Variants in FARP1 observed in about 807,000 individuals in gnomAD.
FARP1 encodes FERM, ARH/RhoGEF and pleckstrin domain protein 1.
FARP1 carries 52 observed loss-of-function variants against 128.8 expected under a neutral mutation model. That is an observed-to-expected ratio of 0.40 (90% CI 0.32 to 0.51). The LOEUF is 0.51. Ranked by LOEUF, FARP1 falls within the 20% of genes least tolerant of loss-of-function variation. The pLI is 0.45. For missense variants in FARP1, 1,333 were observed against 1,367.9 expected (o/e 0.97, Z 0.40); for synonymous variants, 580 against 551.8 (o/e 1.05, Z -0.72).
At chr13:98,227,046 T>TTCTC (rs1491410223) in intron 2 of FARP1, among the ~76,000 whole-genome samples, 1 of 151,878 alleles carries the variant, frequency 6.6e-6, no homozygotes, top group Non-Finnish European at 1.5e-5. Context: ...GTTCACGTCA[T>TTCTC]TCTCTAGCCT....
chr13:98,403,046 G>T (rs1211850916), intron 13 of FARP1: 1 of 149,424 alleles, frequency 6.7e-6, no homozygotes, highest in African/African-American at 2.5e-5. Flanking sequence ...AAAGCATGGT[G>T]TAGCTTCTGT....
At chr13:98,158,146 C>G (rs1421740131) in intron 1 of FARP1, among the ~76,000 whole-genome samples, 3 of 152,212 alleles carry the variant, frequency 2.0e-5, no homozygotes, top group African/African-American at 7.2e-5. Context: ...TTGAACTTCT[C>G]TGTATTTTCT....
intron 2 of FARP1, among the ~76,000 whole-genome samples, chr13:98,213,739 G>A (rs1880881217): frequency 6.6e-6 from 1 of 152,120 alleles, no homozygotes. Flanking sequence ...AGGGAAGAGT[G>A]GTCTTGTGGC....
intron 3 of FARP1, among the ~76,000 whole-genome samples, chr13:98,349,018 C>T (rs1173744538): frequency 6.6e-6 from 1 of 152,204 alleles, no homozygotes; most frequent in East Asian, 1.9e-4. Flanking sequence ...CTTGGATCTC[C>T]CGTCGGAAAG....
chr13:98,185,336 C>G (rs1305063596), intron 1 of FARP1, among the ~76,000 whole-genome samples: 1 of 152,132 alleles, frequency 6.6e-6, no homozygotes, highest in East Asian at 1.9e-4. Context: ...AAGGGCTTAA[C>G]AGGGCAAGTC....
At position 98,440,043 on chromosome 13, in the gene FARP1, G is replaced by C; in HGVS notation, c.2516G>C (p.Ser839Thr). The change falls in exon 22 of 27, where the codon AGT becomes ACT. Residue 839 changes from serine (S) to threonine (T), a missense_variant and splice_region_variant. Physicochemically the swap from Ser to Thr is moderately conservative, Grantham distance 58. Transcript: ENST00000319562. ...CGGCAGTCCATCATCGTGGCCGCCA[G>C]GTAACTCGGGAGCCCGCCCCTTGCC... is the stretch of plus-strand genomic sequence containing the variant. ...GQRQSIIVAA[S>T]SRSEMEKWVE... 1 of 1,607,934 alleles carries C rather than the reference G, an allele frequency of 6.2e-7. No homozygotes were observed. The highest frequency in any genetic ancestry group is 8.5e-7 in the Non-Finnish European group (1 of 1,175,126).
chr13:98,370,595 G>C (rs1170968542), intron 5 of FARP1, among the ~76,000 whole-genome samples: 1 of 149,998 alleles, frequency 6.7e-6, no homozygotes, highest in Admixed American at 6.7e-5. Flanking sequence ...ATGGTGTTGG[G>C]GGTTACTAAA....
At chr13:98,239,955 C>A (rs750012555) in intron 2 of FARP1, among the ~76,000 whole-genome samples, 1 of 152,124 alleles carries the variant, frequency 6.6e-6, no homozygotes, top group African/African-American at 2.4e-5. Context: ...ATCAGGAAGA[C>A]GGCTACCTCT....
chr13:98,231,704 G>A (rs1460483657), intron 2 of FARP1, among the ~76,000 whole-genome samples: 7 of 152,260 alleles, frequency 4.6e-5, no homozygotes, highest in Non-Finnish European at 1.0e-4. Context: ...CTCCGAAAGT[G>A]TTGGTGAGCC....
chr13:98,167,750 T>G (rs1299289474), intron 1 of FARP1, among the ~76,000 whole-genome samples: 7 of 152,200 alleles, frequency 4.6e-5, no homozygotes, highest in African/African-American at 1.7e-4. Context: ...TTCTAGAACT[T>G]TATGATTCAT....
At chr13:98,214,344 C>T (rs7318086) in intron 2 of FARP1, among the ~76,000 whole-genome samples, 13,436 of 152,054 alleles carry the variant, frequency 0.088, 641 homozygotes, top group African/African-American at 0.11. Context: ...TAACACTCCT[C>T]GGATCTAGTA....
chr13:98,309,346 T>G (rs1272271014), intron 2 of FARP1, among the ~76,000 whole-genome samples: 1 of 145,412 alleles, frequency 6.9e-6, no homozygotes, highest in African/African-American at 2.6e-5. Context: ...TTTTTTTGTA[T>G]TTTTAGTAGA....
chr13:98,382,507 TAAG>T (rs1158668923), intron 6 of FARP1: 1 of 151,160 alleles, frequency 6.6e-6, no homozygotes, highest in Non-Finnish European at 1.5e-5. Context: ...TCATAGGAAT[TAAG>T]AAGCCCAAAC....
chr13:98,288,708 T>G (rs1256224568), intron 2 of FARP1, among the ~76,000 whole-genome samples: 1 of 152,192 alleles, frequency 6.6e-6, no homozygotes, highest in African/African-American at 2.4e-5. Context: ...GACGGATCAT[T>G]GTTTTGATGG....
At chr13:98,150,299 G>A (rs1010785503) in intron 1 of FARP1, among the ~76,000 whole-genome samples, 2 of 152,194 alleles carry the variant, frequency 1.3e-5, no homozygotes, top group South Asian at 2.1e-4. Context: ...CCAAAGTGCT[G>A]GGATTACAGG....
chr13:98,197,877 C>T (rs1342937582), intron 1 of FARP1, among the ~76,000 whole-genome samples: 1 of 152,048 alleles, frequency 6.6e-6, no homozygotes, highest in African/African-American at 2.4e-5. Context: ...CCTCGTGATC[C>T]GTTCGCCTCG....
chr13:98,265,677 A>G (rs1349993214), intron 2 of FARP1, among the ~76,000 whole-genome samples: 2 of 152,116 alleles, frequency 1.3e-5, no homozygotes, highest in South Asian at 2.1e-4. Flanking sequence ...CACACACACA[A>G]TTAGGTGATT....
chr13:98,188,805 C>CT (rs1053893974), intron 1 of FARP1, among the ~76,000 whole-genome samples: 4 of 152,246 alleles, frequency 2.6e-5, no homozygotes, highest in African/African-American at 4.8e-5. Flanking sequence ...CAGAAGTGTT[C>CT]GGGGGGTGAA....
chr13:98,378,205 G>T (rs1889673974), intron 6 of FARP1, among the ~76,000 whole-genome samples: 1 of 152,222 alleles, frequency 6.6e-6, no homozygotes, highest in East Asian at 1.9e-4. Context: ...AGCTTGGATG[G>T]ATGGTTGCCA....
Sources: allele counts gnomAD v4.1 joint callset (sites outside exome capture counted in the v4.1 genomes callset), GRCh38; gene constraint gnomAD v4.1.1; transcripts MANE v1.5; gene names NCBI Gene and HGNC (gene_info 2026-07-23, HGNC 2026-07-21).